PTPRT: variants seen among roughly 807,000 people sequenced by gnomAD.
The protein encoded by PTPRT is receptor-type tyrosine-protein phosphatase T.
In PTPRT, 56 loss-of-function variants were observed where a neutral mutation model predicts 176.8. That is an observed-to-expected ratio of 0.32 (90% CI 0.26 to 0.40). The LOEUF (loss-of-function observed/expected upper bound fraction) is 0.40. Ranked by LOEUF, PTPRT falls within the 10% of genes least tolerant of loss-of-function variation. The probability of loss-of-function intolerance (pLI) is 1.00; values close to 1 mark genes in which losing one functional copy is unlikely to be tolerated. For synonymous variants in PTPRT, 783 were observed against 739.0 expected (o/e 1.06, Z -0.96); for missense variants, 1,540 against 1,908.2 (o/e 0.81, Z 3.60).
At chr20:42,446,759 T>C (rs774144956) in intron 9 of PTPRT, among the ~76,000 whole-genome samples, 7 of 152,134 alleles carry the variant, frequency 4.6e-5, no homozygotes, top group Non-Finnish European at 8.8e-5. Context: ...GGTGTATTAG[T>C]ATGAGTACCT....
At chr20:42,791,550 T>C (rs2077376575) in intron 2 of PTPRT, 84 bp from the exon 3 acceptor site, 1 of 1,426,370 alleles carries the variant, frequency 7.0e-7, no homozygotes, top group Non-Finnish European at 9.4e-7. Flanking sequence ...CCCATAAACA[T>C]GGTGGCCAGA....
chr20:42,123,695 CT>C (rs1348117274), intron 19 of PTPRT, among the ~76,000 whole-genome samples: 2 of 152,188 alleles, frequency 1.3e-5, no homozygotes, highest in Non-Finnish European at 2.9e-5. Context: ...ATCCAGAGGC[CT>C]TAGCACTGGC....
At chr20:42,839,075 C>T (rs2078231983) in intron 2 of PTPRT, among the ~76,000 whole-genome samples, 1 of 152,130 alleles carries the variant, frequency 6.6e-6, no homozygotes, top group African/African-American at 2.4e-5. Flanking sequence ...AATATGATCC[C>T]TTTCTGGGCT....
At chr20:42,679,502 T>C (rs1374270634) in intron 6 of PTPRT, among the ~76,000 whole-genome samples, 1 of 151,614 alleles carries the variant, frequency 6.6e-6, no homozygotes, top group Non-Finnish European at 1.5e-5. Flanking sequence ...GGCAGAACAA[T>C]AAAGAAAATG....
chr20:43,046,954 T>G (rs547914946), intron 1 of PTPRT, among the ~76,000 whole-genome samples: 12 of 152,314 alleles, frequency 7.9e-5, no homozygotes, highest in Non-Finnish European at 1.5e-4. Context: ...GAATCTTTCA[T>G]AGGGCGGCCA....
chr20:43,068,510 A>C lies in PTPRT; in HGVS notation c.88+121136T>G, dbSNP rs971496229. ...ACAGAGAGAGACTCTGTCTCAAAAA[A>C]AAAAAAAAAAAAAAGCCAATTAGGG... is the stretch of plus-strand genomic sequence containing the variant. On this transcript the variant is annotated intron_variant, in intron 1 of 30. Coordinates refer to ENST00000373187, the MANE Select transcript of PTPRT (RefSeq NM_007050.6). Among the ~76,000 whole-genome samples, 141 of 151,264 alleles carry C rather than the reference A, an allele frequency of 9.3e-4. 1 individual carries two copies. Among genetic ancestry groups the C allele is most frequent in the African/African-American group, 3.3e-3 (137 of 41,248 alleles).
chr20:42,672,680 G>C (rs945885897), intron 7 of PTPRT, among the ~76,000 whole-genome samples: 1 of 152,158 alleles, frequency 6.6e-6, no homozygotes, highest in Non-Finnish European at 1.5e-5. Flanking sequence ...GGGATGCTGC[G>C]CTACAGGCAA....
intron 1 of PTPRT, among the ~76,000 whole-genome samples, chr20:43,163,697 T>C (rs1228417919): frequency 1.3e-5 from 2 of 151,894 alleles, no homozygotes; most frequent in Admixed American, 6.6e-5. Flanking sequence ...GGCTCATTCA[T>C]ACACATTATT....
intron 2 of PTPRT, among the ~76,000 whole-genome samples, chr20:42,805,429 C>T (rs940335775): frequency 6.6e-6 from 1 of 152,204 alleles, no homozygotes; most frequent in African/African-American, 2.4e-5. Context: ...TTCAACAGGG[C>T]TGCCTGTTCA....
intron 8 of PTPRT, among the ~76,000 whole-genome samples, chr20:42,448,891 A>G (rs2070778069): frequency 6.6e-6 from 1 of 152,144 alleles, no homozygotes; most frequent in Non-Finnish European, 1.5e-5. Flanking sequence ...AAAATCTCAT[A>G]ACGTTGTAAG....
At chr20:42,547,975 A>T (rs1301873822) in intron 7 of PTPRT, among the ~76,000 whole-genome samples, 1 of 152,068 alleles carries the variant, frequency 6.6e-6, no homozygotes, top group Non-Finnish European at 1.5e-5. Context: ...ATATACTATG[A>T]TAACAAAAAC....
rs1206671662 is a variant in PTPRT, at chr20:43,146,266, T to C, written c.88+43380A>G. Among the ~76,000 whole-genome samples, 34 of 152,190 alleles carry C rather than the reference T, an allele frequency of 2.2e-4. 1 individual carries two copies. The highest frequency in any genetic ancestry group is 7.3e-5 in the Non-Finnish European group (5 of 68,036). On this transcript the variant is annotated intron_variant, in intron 1 of 30. Transcript: ENST00000373187. ...TAAATCACTTTGAGCTAACACAATATGCCAACCAGTCCCAGCTAAGCCAAA... is the reference window on the plus strand; with the variant it reads ...TAAATCACTTTGAGCTAACACAATACGCCAACCAGTCCCAGCTAAGCCAAA...
chr20:42,434,749 G>T (rs1267627680), intron 9 of PTPRT, among the ~76,000 whole-genome samples: 1 of 151,540 alleles, frequency 6.6e-6, no homozygotes. Context: ...ATCACTTGAG[G>T]TCAGGAGTCC....
chr20:42,506,275 T>G (rs957329588), intron 7 of PTPRT, among the ~76,000 whole-genome samples: 2 of 152,184 alleles, frequency 1.3e-5, no homozygotes, highest in African/African-American at 4.8e-5. Context: ...GTTTTACTAA[T>G]TTGATTTGTG....
At chr20:42,245,758 G>A (rs1213889083) in intron 14 of PTPRT, among the ~76,000 whole-genome samples, 1 of 152,160 alleles carries the variant, frequency 6.6e-6, no homozygotes, top group African/African-American at 2.4e-5. Flanking sequence ...ACCTTCAGAG[G>A]GAGAAGCTGG....
At chr20:42,996,558 C>A (rs2146119329) in intron 1 of PTPRT, among the ~76,000 whole-genome samples, 1 of 152,290 alleles carries the variant, frequency 6.6e-6, no homozygotes, top group South Asian at 2.1e-4. Flanking sequence ...CACACACAAG[C>A]TCCTTCTGCT....
At chr20:42,364,018 A>G (rs547943534) in intron 9 of PTPRT, among the ~76,000 whole-genome samples, 3 of 152,238 alleles carry the variant, frequency 2.0e-5, no homozygotes, top group African/African-American at 7.2e-5. Context: ...TTTTGAGTGC[A>G]TCGTTGGGGG....
intron 2 of PTPRT, among the ~76,000 whole-genome samples, chr20:42,871,204 G>A (rs189768810): frequency 6.9e-4 from 105 of 151,454 alleles, no homozygotes; most frequent in African/African-American, 2.5e-3. Flanking sequence ...TGCCCACCTC[G>A]GCCTCCCAAA....
intron 7 of PTPRT, among the ~76,000 whole-genome samples, chr20:42,480,243 T>C (rs2071362197): frequency 6.6e-6 from 1 of 152,174 alleles, no homozygotes; most frequent in Non-Finnish European, 1.5e-5. Context: ...ACTCCTTCAC[T>C]CTTAGGGCTA....
Sources: gnomAD v4.1 joint callset for allele counts (sites outside exome capture counted in the v4.1 genomes callset) on GRCh38, gnomAD v4.1.1 for gene constraint, MANE v1.5 for transcripts, NCBI Gene and HGNC (gene_info 2026-07-23, HGNC 2026-07-21) for gene names.